COL19A1: variants seen among roughly 807,000 people sequenced by gnomAD.
COL19A1 encodes the protein collagen alpha-1(XIX) chain.
In COL19A1, 159 loss-of-function variants were observed where a neutral mutation model predicts 190.2. That is an observed-to-expected ratio of 0.84 (90% CI 0.73 to 0.95). COL19A1 has a LOEUF of 0.95. COL19A1 is among the 40% of genes least tolerant of loss of function. The pLI is 0.00. For synonymous variants in COL19A1, 509 were observed against 458.9 expected (o/e 1.11, Z -1.39); for missense variants, 1,418 against 1,431.9 (o/e 0.99, Z 0.16).
intron 49 of COL19A1, 59 bp from the exon 50 acceptor site, chr6:70,206,842 G>A: frequency 6.9e-7 from 1 of 1,446,270 alleles, no homozygotes; most frequent in Non-Finnish European, 9.6e-7. Context: ...GTTCTTCTCT[G>A]TGCTGTGTTG....
At chr6:69,933,366 T>G (rs140522376) in intron 7 of COL19A1, among the ~76,000 whole-genome samples, 1 of 152,228 alleles carries the variant, frequency 6.6e-6, no homozygotes, top group Non-Finnish European at 1.5e-5. Flanking sequence ...GCCCCTTTGC[T>G]TTGCAGCATA....
intron 16 of COL19A1, among the ~76,000 whole-genome samples, chr6:70,114,712 T>C (rs1784468211): frequency 6.6e-6 from 1 of 152,202 alleles, no homozygotes; most frequent in African/African-American, 2.4e-5. Context: ...TTCTATCTGC[T>C]TGGCTCCCCT....
intron 2 of COL19A1, among the ~76,000 whole-genome samples, chr6:69,893,942 T>C (rs1056737357): frequency 2.0e-5 from 3 of 152,136 alleles, no homozygotes; most frequent in Admixed American, 1.3e-4. Flanking sequence ...AATTTACCTA[T>C]AGTCTGGAAG....
At position 70,187,949 on chromosome 6, in the gene COL19A1, G is replaced by A. The variant is rs564788930; in HGVS notation, c.2857-126G>A. Reference sequence around the variant, plus strand: ...TTGTAGGAGAGGAGGCTAGGACACAGAGAGTTTAAGTTATTTATACAAGGC... The same window carrying A: ...TTGTAGGAGAGGAGGCTAGGACACAAAGAGTTTAAGTTATTTATACAAGGC... On this transcript the variant is annotated intron_variant, in intron 46 of 50. Transcript: ENST00000620364. 8.2e-6 allele frequency: 9 copies of A among 1,093,058 alleles called. No individual in the cohort carries two copies. In the African/African-American group the frequency reaches 1.4e-4, roughly 18 times the overall value. 67.7% of individuals were successfully genotyped at this position (1,093,058 alleles called of 1,614,324 possible). A position where few individuals can be genotyped will look rare whatever the true frequency, so the allele number is the denominator to read the frequency against.
At chr6:70,176,218 C>A (rs947222401) in intron 41 of COL19A1, among the ~76,000 whole-genome samples, 1 of 152,136 alleles carries the variant, frequency 6.6e-6, no homozygotes, top group Non-Finnish European at 1.5e-5. Context: ...ACTAATTTAA[C>A]TATAAGTATG....
intron 1 of COL19A1, among the ~76,000 whole-genome samples, chr6:69,874,390 A>T (rs1282511453): frequency 6.6e-6 from 1 of 152,250 alleles, no homozygotes; most frequent in African/African-American, 2.4e-5. Flanking sequence ...TTCCTAGCTG[A>T]ATGGGCTACA....
At chr6:69,977,285 C>A (rs1395194538) in intron 11 of COL19A1, among the ~76,000 whole-genome samples, 1 of 151,724 alleles carries the variant, frequency 6.6e-6, no homozygotes, top group Admixed American at 6.6e-5. Context: ...AAGCTGGAAA[C>A]CATCATTCTC....
chr6:70,127,849 G>T (rs1302135622), intron 17 of COL19A1, among the ~76,000 whole-genome samples: 1 of 152,100 alleles, frequency 6.6e-6, no homozygotes, highest in African/African-American at 2.4e-5. Context: ...GGAATTGTGG[G>T]AGCTACAATT....
chr6:69,959,001 T>C (rs1774602997), intron 9 of COL19A1, among the ~76,000 whole-genome samples: 1 of 152,200 alleles, frequency 6.6e-6, no homozygotes, highest in African/African-American at 2.4e-5. Flanking sequence ...AGCAGTTCCA[T>C]GAAATTGTTA....
At chr6:69,890,384 G>T (rs776175727) in intron 2 of COL19A1, 10 of 152,178 alleles carry the variant, frequency 6.6e-5, no homozygotes, top group Non-Finnish European at 1.2e-4. Context: ...TTTCTAGTGG[G>T]ATTTATTTCA....
At chr6:70,112,582 T>C (rs1406285062) in intron 16 of COL19A1, among the ~76,000 whole-genome samples, 1 of 152,096 alleles carries the variant, frequency 6.6e-6, no homozygotes, top group Non-Finnish European at 1.5e-5. Context: ...ACCAATTAGG[T>C]TGATATCTGG....
chr6:70,142,793 G>T lies in COL19A1; in HGVS notation c.1599G>T (p.Met533Ile). 1 of 1,612,138 alleles carries T rather than the reference G, an allele frequency of 6.2e-7. No homozygotes were observed. Among genetic ancestry groups the T allele is most frequent in the Non-Finnish European group, 8.5e-7 (1 of 1,178,940 alleles). ...LKGQQGSAGS[M>I]GPRGPPGDVG... ...GTCAGCAAGGATCTGCAGGCTCCATGGGACCCAGAGGACCGCCAGGAGATG... is the reference window on the plus strand; with the variant it reads ...GTCAGCAAGGATCTGCAGGCTCCATTGGACCCAGAGGACCGCCAGGAGATG... The change falls in exon 23 of 51, where the codon ATG becomes ATT. Residue 533 changes from methionine to isoleucine, a missense_variant. Coordinates refer to ENST00000620364, the MANE Select transcript of COL19A1 (RefSeq NM_001858.6).
At chr6:69,895,199 G>A (rs1200566384) in intron 2 of COL19A1, among the ~76,000 whole-genome samples, 1 of 152,062 alleles carries the variant, frequency 6.6e-6, no homozygotes, top group Non-Finnish European at 1.5e-5. Context: ...TGGAGCTGCT[G>A]CTCACCAGTC....
chr6:70,098,525 G>T, intron 15 of COL19A1: 4 of 460,430 alleles, frequency 8.7e-6, no homozygotes, highest in South Asian at 6.7e-5. Flanking sequence ...TCATCTTTAA[G>T]CCTTGGCACT....
At chr6:69,979,999 A>G (rs1775954112) in intron 11 of COL19A1, among the ~76,000 whole-genome samples, 1 of 152,018 alleles carries the variant, frequency 6.6e-6, no homozygotes, top group African/African-American at 2.4e-5. Flanking sequence ...TTAATACGTA[A>G]ATGTAATGCA....
intron 31 of COL19A1, among the ~76,000 whole-genome samples, chr6:70,152,330 C>T (rs56855480): frequency 0.048 from 7,296 of 151,926 alleles, 574 homozygotes; most frequent in African/African-American, 0.16. Flanking sequence ...ATTATTTGCA[C>T]AATAGTAAGC....
chr6:69,998,324 T>A (rs1014766225), intron 11 of COL19A1, among the ~76,000 whole-genome samples: 11 of 152,116 alleles, frequency 7.2e-5, no homozygotes, highest in African/African-American at 2.7e-4. Context: ...ATTTATTTTT[T>A]AATGTTTTCA....
chr6:69,895,982 C>T (rs1210088159), intron 2 of COL19A1, among the ~76,000 whole-genome samples: 1 of 152,126 alleles, frequency 6.6e-6, no homozygotes, highest in Non-Finnish European at 1.5e-5. Context: ...ACTCCTTTCT[C>T]CTGGTTCATT....
intron 2 of COL19A1, among the ~76,000 whole-genome samples, chr6:69,897,699 C>T (rs1019292007): frequency 5.9e-5 from 9 of 151,858 alleles, no homozygotes; most frequent in African/African-American, 1.5e-4. Context: ...ACTATTAATC[C>T]GAATCATTAA....
Sources: allele counts gnomAD v4.1 joint callset (sites outside exome capture counted in the v4.1 genomes callset), GRCh38; gene constraint gnomAD v4.1.1; transcripts MANE v1.5; gene names NCBI Gene and HGNC (gene_info 2026-07-23, HGNC 2026-07-21).